Variants in PARG observed in about 807,000 individuals in gnomAD.
PARG encodes the protein mitochondrial poly(ADP-ribose) glycohydrolase.
Under a neutral mutation model 113.0 loss-of-function variants are expected in PARG, and 35 were observed. That is an observed-to-expected ratio of 0.31 (90% CI 0.24 to 0.41). The LOEUF (loss-of-function observed/expected upper bound fraction) is 0.41. Ranked by LOEUF, PARG falls within the 10% of genes least tolerant of loss-of-function variation. The pLI is 1.00. For missense variants in PARG, 797 were observed against 1,169.4 expected, an observed-to-expected ratio of 0.68 and a Z score of 4.64; for synonymous variants, 330 against 409.9, an observed-to-expected ratio of 0.81 and a Z score of 2.36.
chr10:49,907,127 A>C (rs1836893119), intron 7 of PARG, among the ~76,000 whole-genome samples: 1 of 152,124 alleles, frequency 6.6e-6, no homozygotes. Context: ...AAAATATTCC[A>C]TATTTCATTA....
intron 7 of PARG, among the ~76,000 whole-genome samples, chr10:49,890,773 AT>A (rs1283503001): frequency 6.6e-6 from 1 of 152,210 alleles, no homozygotes; most frequent in African/African-American, 2.4e-5. Context: ...ATATTTACTT[AT>A]TTCTTCTTTC....
At chr10:49,891,718 C>T (rs1847817626) in intron 7 of PARG, among the ~76,000 whole-genome samples, 2 of 147,922 alleles carry the variant, frequency 1.4e-5, no homozygotes, top group Admixed American at 1.4e-4. Context: ...CAACCTCCAC[C>T]TCCCAGATTC....
At chr10:49,903,759 AGTCATT>A (rs1848448945) in intron 7 of PARG, among the ~76,000 whole-genome samples, 2 of 151,124 alleles carry the variant, frequency 1.3e-5, no homozygotes, top group Non-Finnish European at 2.9e-5. Context: ...AGTAATTTAG[AGTCATT>A]AGACCATCAG....
At chr10:49,878,982 C>T (rs1564627949) in intron 9 of PARG, among the ~76,000 whole-genome samples, 1 of 152,108 alleles carries the variant, frequency 6.6e-6, no homozygotes, top group Non-Finnish European at 1.5e-5. Context: ...ATTAGTTTGC[C>T]AAGAAGATTC....
chr10:49,857,355 T>C lies in PARG; in HGVS notation c.2304A>G (p.Ser768=). Residue 768 remains serine (S), a synonymous_variant, in exon 13 of 18, where the codon TCA becomes TCG. Coordinates refer to ENST00000616448, the MANE Select transcript of PARG (RefSeq NM_003631.5). The part of the protein sequence containing the change: ...RFLINPELII[S]RLFTEVLDHN... ...GATCCAGCACCTCAGTGAAGAGCCG[T>C]GAAATAATCAACTCAGGATTGATTA... 1 of 1,267,820 alleles carries C rather than the reference T, an allele frequency of 7.9e-7. No individual in the cohort carries two copies. The allele number at this position is 1,267,820 out of a possible 1,614,324, so 78.5% of individuals were successfully genotyped here.
intron 7 of PARG, among the ~76,000 whole-genome samples, chr10:49,893,729 T>C (rs1847927227): frequency 6.6e-6 from 1 of 151,786 alleles, no homozygotes; most frequent in Non-Finnish European, 1.5e-5. Flanking sequence ...AGTCTCCCTG[T>C]GTTGCCCAGG....
rs560587317 is a variant in PARG, at chr10:49,885,936, T to C, written c.1738-641A>G. Among the ~76,000 whole-genome samples, 18 of 152,338 alleles carry C rather than the reference T, an allele frequency of 1.2e-4. 1 individual carries two copies. The highest frequency in any genetic ancestry group is 4.1e-4 in the African/African-American group (17 of 41,578). ...TTTGTCTTTTATAAAATTTCCCCTCTCTATAACACCTTTTAATCTAATGTC... is the reference window on the plus strand; with the variant it reads ...TTTGTCTTTTATAAAATTTCCCCTCCCTATAACACCTTTTAATCTAATGTC... On this transcript the variant is annotated intron_variant, in intron 7 of 17. Coordinates refer to ENST00000616448, the MANE Select transcript of PARG (RefSeq NM_003631.5).
intron 7 of PARG, among the ~76,000 whole-genome samples, chr10:49,908,244 T>C (rs1554845443): frequency 6.6e-6 from 1 of 152,190 alleles, no homozygotes; most frequent in Non-Finnish European, 1.5e-5. Flanking sequence ...ATATGCACTA[T>C]TTAGAAATCA....
chr10:49,889,492 G>A (rs1323735688), intron 7 of PARG, among the ~76,000 whole-genome samples: 1 of 152,128 alleles, frequency 6.6e-6, no homozygotes, highest in Non-Finnish European at 1.5e-5. Context: ...CTCCCCACTA[G>A]GTCTTTACTG....
At chr10:49,843,495 G>A in intron 14 of PARG, 59 bp downstream of exon 14, 1 of 1,075,512 alleles carries the variant, frequency 9.3e-7, no homozygotes, top group Non-Finnish European at 1.4e-6. Context: ...GTGTGTGAGG[G>A]TCAAGCCCAA....
chr10:49,936,699 G>A (rs1156745880), intron 1 of PARG, among the ~76,000 whole-genome samples: 1 of 152,056 alleles, frequency 6.6e-6, no homozygotes, highest in Non-Finnish European at 1.5e-5. Flanking sequence ...AAGAATCTTA[G>A]CATCCTAAGT....
intron 16 of PARG, among the ~76,000 whole-genome samples, chr10:49,826,784 G>T (rs1844379348): frequency 6.6e-6 from 1 of 152,134 alleles, no homozygotes. Flanking sequence ...TATTTTTGTG[G>T]CATTTTAAAA....
chr10:49,906,128 G>A (rs1169698581), intron 7 of PARG, among the ~76,000 whole-genome samples: 1 of 149,730 alleles, frequency 6.7e-6, no homozygotes, highest in Non-Finnish European at 1.5e-5. Flanking sequence ...CTTTCCCTGA[G>A]GCTGTGATGC....
At chr10:49,926,546 T>C (rs1271827402) in intron 4 of PARG, among the ~76,000 whole-genome samples, 1 of 152,188 alleles carries the variant, frequency 6.6e-6, no homozygotes, top group African/African-American at 2.4e-5. Flanking sequence ...AAGGGGGAAC[T>C]GAAGACTGAA....
chr10:49,899,771 C>T (rs1199745480), intron 7 of PARG, among the ~76,000 whole-genome samples: 8 of 151,924 alleles, frequency 5.3e-5, no homozygotes, highest in African/African-American at 1.7e-4. Flanking sequence ...GATCACCTTG[C>T]CCCTCTACTT....
intron 7 of PARG, among the ~76,000 whole-genome samples, chr10:49,915,484 G>A (rs1328067472): frequency 6.6e-6 from 1 of 152,020 alleles, no homozygotes; most frequent in African/African-American, 2.4e-5. Context: ...TTAAACAAAT[G>A]TTTTGTGCCC....
intron 16 of PARG, among the ~76,000 whole-genome samples, chr10:49,826,457 G>C (rs1844364380): frequency 6.6e-6 from 1 of 152,184 alleles, no homozygotes; most frequent in Admixed American, 6.5e-5. Flanking sequence ...CAGCATGGTA[G>C]AAAATGACAT....
At chr10:49,845,166 G>T (rs1554833130) in intron 13 of PARG, among the ~76,000 whole-genome samples, 1 of 152,214 alleles carries the variant, frequency 6.6e-6, no homozygotes, top group African/African-American at 2.4e-5. Context: ...ATATTGCTGG[G>T]AGAACATAAA....
chr10:49,924,560 C>A (rs1459932760), intron 4 of PARG, among the ~76,000 whole-genome samples: 10 of 147,330 alleles, frequency 6.8e-5, no homozygotes, highest in Admixed American at 6.7e-4. Flanking sequence ...CTGAATGGGC[C>A]CCTCCCTCAG....
Sources: allele counts gnomAD v4.1 joint callset (sites outside exome capture counted in the v4.1 genomes callset), GRCh38; gene constraint gnomAD v4.1.1; transcripts MANE v1.5; gene names NCBI Gene and HGNC (gene_info 2026-07-23, HGNC 2026-07-21).